The following TPCN1 variants were observed in gnomAD, a reference collection of about 807,000 sequenced individuals.
TPCN1 encodes the protein two pore segment channel 1.
TPCN1 carries 52 observed loss-of-function variants against 108.8 expected under a neutral mutation model. The observed-to-expected ratio is 0.48, with a 90% CI of 0.38 to 0.60. TPCN1 has a LOEUF of 0.60. Ranked by LOEUF, TPCN1 falls within the 20% of genes least tolerant of loss-of-function variation. TPCN1 has a pLI of 0.00. For missense variants in TPCN1, 806 were observed against 1,072.8 expected (o/e 0.75, Z 3.47); for synonymous variants, 446 against 433.7 (o/e 1.03, Z -0.35).
chr12:113,230,092 T>G (rs2136439743), intron 2 of TPCN1, among the ~76,000 whole-genome samples: 1 of 152,260 alleles, frequency 6.6e-6, no homozygotes, highest in African/African-American at 2.4e-5. Context: ...CAGTTCTGTC[T>G]TGAAAATCCT....
chr12:113,224,678 G>A (rs1049217873), intron 1 of TPCN1, among the ~76,000 whole-genome samples: 1 of 151,840 alleles, frequency 6.6e-6, no homozygotes, highest in Non-Finnish European at 1.5e-5. Context: ...TTACAGGCAT[G>A]AGCCACCGCG....
intron 17 of TPCN1, 89 bp from the exon 18 acceptor site, chr12:113,285,800 C>A: frequency 8.8e-7 from 1 of 1,141,794 alleles, no homozygotes; most frequent in Non-Finnish European, 1.3e-6. Flanking sequence ...AGCAGGGAGG[C>A]TGCAGACTGT....
intron 14 of TPCN1, 72 bp from the exon 15 acceptor site, chr12:113,280,079 A>C: frequency 8.2e-7 from 1 of 1,223,560 alleles, no homozygotes; most frequent in South Asian, 1.2e-5. Flanking sequence ...GAAAGAGATA[A>C]TAATAATTAA....
intron 2 of TPCN1, among the ~76,000 whole-genome samples, chr12:113,236,488 T>C (rs1465854901): frequency 6.6e-6 from 1 of 151,772 alleles, no homozygotes; most frequent in Non-Finnish European, 1.5e-5. Context: ...TTTGGGGTGC[T>C]GGGGAGAGGG....
chr12:113,288,270 G>A lies in TPCN1; in HGVS notation c.1706+36G>A, dbSNP rs369013612. On this transcript the variant is annotated intron_variant, in intron 20 of 27. Transcript: ENST00000335509. The surrounding 1 kb of genome is among the most constrained non-coding windows in gnomAD (Gnocchi z 4.8). ...CCCCCACCCTGGCCTGCAGGTCCAGGTGCCGTGTGGCAGTGCCCCGTGGGG... is the reference window on the plus strand; with the variant it reads ...CCCCCACCCTGGCCTGCAGGTCCAGATGCCGTGTGGCAGTGCCCCGTGGGG... 1.2e-6 allele frequency: 2 copies of A among 1,612,890 alleles called. No homozygotes were observed. The highest frequency in any genetic ancestry group is 2.7e-5 in the African/African-American group (2 of 74,934).
Position 113,266,047 on chromosome 12 carries a change from C to A in TPCN1, c.238-133C>A. Reference sequence around the variant, plus strand: ...TTTCGCGAAGATCATTTTGATTTTCCAGCATCTTCTGTCTCTGGCCTGAAT... The same window carrying A: ...TTTCGCGAAGATCATTTTGATTTTCAAGCATCTTCTGTCTCTGGCCTGAAT... On this transcript the variant is annotated intron_variant, in intron 3 of 27. Coordinates refer to ENST00000335509, the MANE Select transcript of TPCN1 (RefSeq NM_017901.6). This position sits in a 1 kb window ranked among gnomAD's most constrained non-coding sequence, Gnocchi z 4.2. 1.0e-6 allele frequency: 1 copy of A among 960,028 alleles called. No individual in the cohort carries two copies. The highest frequency in any genetic ancestry group is 1.6e-6 in the Non-Finnish European group (1 of 637,278). 59.5% of individuals were successfully genotyped at this position (960,028 alleles called of 1,614,324 possible). A position where few individuals can be genotyped will look rare whatever the true frequency, so the allele number is the denominator to read the frequency against.
At chr12:113,260,108 TC>T (rs1954969823) in intron 2 of TPCN1, among the ~76,000 whole-genome samples, 1 of 152,192 alleles carries the variant, frequency 6.6e-6, no homozygotes, top group African/African-American at 2.4e-5. Context: ...TCTTGTTTCC[TC>T]CCTTTTGTAC....
At chr12:113,281,174 G>C (rs184510519) in intron 15 of TPCN1, among the ~76,000 whole-genome samples, 1 of 152,204 alleles carries the variant, frequency 6.6e-6, no homozygotes, top group Non-Finnish European at 1.5e-5. Context: ...CTGAGTAGCT[G>C]GGATTACAGG....
chr12:113,274,728 G>A (rs975376634), intron 10 of TPCN1, among the ~76,000 whole-genome samples: 1 of 152,232 alleles, frequency 6.6e-6, no homozygotes, highest in Non-Finnish European at 1.5e-5. Flanking sequence ...CGTGGAGGTA[G>A]TGAGTATGGT....
At chr12:113,242,435 C>T (rs976408977) in intron 2 of TPCN1, among the ~76,000 whole-genome samples, 1 of 152,240 alleles carries the variant, frequency 6.6e-6, no homozygotes, top group Non-Finnish European at 1.5e-5. Context: ...CCCTCTGTGA[C>T]CTTGGGCAAG....
intron 22 of TPCN1, 129 bp downstream of exon 22, chr12:113,290,372 G>A: frequency 1.5e-6 from 1 of 684,232 alleles, no homozygotes; most frequent in African/African-American, 1.8e-5. Context: ...CCTGGCCCAG[G>A]TGGAGGACTT....
chr12:113,222,605 C>G (rs549677005), intron 1 of TPCN1, among the ~76,000 whole-genome samples: 17 of 152,300 alleles, frequency 1.1e-4, no homozygotes, highest in Middle Eastern at 3.4e-3. Context: ...TACAGGCAGG[C>G]AAGCAGTCAT....
rs1427500031 is a variant in TPCN1, at chr12:113,268,874, T to C, written c.659+2T>C. ...TCGGTATTGCGGTGGCGTCCGGCGG[T>C]AAGGCCCGGGTGGGGAGCTGGGCAG... On this transcript the variant is annotated splice_donor_variant, in intron 6 of 27. Coordinates refer to ENST00000335509, the MANE Select transcript of TPCN1 (RefSeq NM_017901.6). LOFTEE classifies it high-confidence loss of function. This position sits in a 1 kb window ranked among gnomAD's most constrained non-coding sequence, Gnocchi z 7.3. 6.2e-7 allele frequency: 1 copy of C among 1,613,662 alleles called. No homozygotes were observed. The highest frequency in any genetic ancestry group is 8.5e-7 in the Non-Finnish European group (1 of 1,179,818).
rs1274908024 is a variant in TPCN1 at position 113,283,304 on chromosome 12, CT to C, written c.1343-1272del. On this transcript the variant is annotated intron_variant, in intron 15 of 27. Coordinates refer to ENST00000335509, the MANE Select transcript of TPCN1 (RefSeq NM_017901.6). The stretch of plus-strand genomic sequence containing the variant: ...TTATGCACTTTTTTCTGCCACCTGG[CT>C]TTTTGCAGTTAACAATATGCCCTGG... 5.3e-5 allele frequency among the ~76,000 whole-genome samples: 8 copies of C among 152,196 alleles called. No individual in the cohort carries two copies. The East Asian group carries it at 1.5e-3, about 29-fold the overall frequency.
intron 19 of TPCN1, among the ~76,000 whole-genome samples, chr12:113,287,897 AAGG>A (rs1195824971): frequency 1.3e-5 from 2 of 152,122 alleles, no homozygotes; most frequent in African/African-American, 4.8e-5. Context: ...GCTCTACTGC[AAGG>A]AGATGTGGCC....
chr12:113,244,650 G>A (rs1002106407), intron 2 of TPCN1: 4 of 985,444 alleles, frequency 4.1e-6, no homozygotes, highest in Non-Finnish European at 4.8e-6. Flanking sequence ...TCTTTCCCAT[G>A]GTGTGGGGCT....
intron 2 of TPCN1, among the ~76,000 whole-genome samples, chr12:113,233,294 G>A (rs568029430): frequency 1.6e-4 from 24 of 152,316 alleles, no homozygotes; most frequent in Admixed American, 3.3e-4. Context: ...CTCCCCACTC[G>A]CCTGGGGGAG....
intron 27 of TPCN1, 78 bp downstream of exon 27, chr12:113,293,427 C>T (rs757819378): frequency 3.5e-5 from 48 of 1,369,974 alleles, no homozygotes; most frequent in Non-Finnish European, 4.5e-5. Context: ...CTCTCTGGCC[C>T]TCTGAGTAGA....
intron 1 of TPCN1, 120 bp from the exon 2 acceptor site, chr12:113,226,608 T>G (rs1953479459): frequency 4.8e-6 from 4 of 831,508 alleles, no homozygotes; most frequent in Non-Finnish European, 7.4e-6. Context: ...AGAGTATACT[T>G]GAGTGGTTTT....
Sources: allele counts gnomAD v4.1 joint callset (sites outside exome capture counted in the v4.1 genomes callset), GRCh38; gene constraint gnomAD v4.1.1; non-coding constraint Gnocchi (gnomAD v3.1); transcripts MANE v1.5; gene names NCBI Gene and HGNC (gene_info 2026-07-23, HGNC 2026-07-21).